SLC2A13: variants seen among roughly 807,000 people sequenced by gnomAD.
The protein encoded by SLC2A13 is proton myo-inositol cotransporter.
Under a neutral mutation model 64.4 loss-of-function variants are expected in SLC2A13, and 32 were observed. The observed-to-expected ratio is 0.50, with a 90% confidence interval of 0.37 to 0.67. SLC2A13 has a LOEUF of 0.67. Ranked by LOEUF, SLC2A13 falls within the 30% of genes least tolerant of loss-of-function variation. The pLI is 0.00. For missense variants in SLC2A13, 743 were observed against 829.2 expected (o/e 0.90, Z 1.28); for synonymous variants, 338 against 327.1 (o/e 1.03, Z -0.36).
At chr12:39,850,382 T>C (rs1050706431) in intron 6 of SLC2A13, among the ~76,000 whole-genome samples, 6 of 152,192 alleles carry the variant, frequency 3.9e-5, no homozygotes, top group African/African-American at 1.4e-4. Context: ...TGCTCTGCAG[T>C]TGAACTGAGC....
intron 4 of SLC2A13, among the ~76,000 whole-genome samples, chr12:39,911,827 A>G (rs1364972529): frequency 1.3e-5 from 2 of 152,082 alleles, no homozygotes; most frequent in African/African-American, 4.8e-5. Context: ...ATTAGGAGAG[A>G]ACAGACAGGG....
intron 3 of SLC2A13, among the ~76,000 whole-genome samples, chr12:39,954,244 C>T (rs1946281093): frequency 6.6e-6 from 1 of 152,148 alleles, no homozygotes; most frequent in African/African-American, 2.4e-5. Flanking sequence ...GGCAGGTAAA[C>T]CAGGCAGACA....
chr12:39,756,776 A>G lies in SLC2A13; in HGVS notation c.*3250T>C, dbSNP rs1275148133. On this transcript the variant is annotated 3_prime_UTR_variant, in exon 10 of 10. Transcript: ENST00000280871. ...TGAAATTACAGCAAAAATTTCATAA[A>G]TTCCTTGCTTTTACTGATTTCCCCT... 6.6e-6 allele frequency: 1 copy of G among 151,680 alleles called. No individual in the cohort carries two copies. Among genetic ancestry groups the G allele is most frequent in the Admixed American group, 6.6e-5 (1 of 15,186 alleles). 9.4% of individuals were successfully genotyped at this position (151,680 alleles called of 1,614,324 possible).
At chr12:39,914,929 G>A (rs542253404) in intron 4 of SLC2A13, among the ~76,000 whole-genome samples, 5 of 152,024 alleles carry the variant, frequency 3.3e-5, no homozygotes, top group African/African-American at 1.2e-4. Flanking sequence ...GAATTATAAT[G>A]GGAAAATTGT....
At chr12:39,964,335 T>C (rs1395377061) in intron 3 of SLC2A13, among the ~76,000 whole-genome samples, 1 of 152,202 alleles carries the variant, frequency 6.6e-6, no homozygotes, top group Non-Finnish European at 1.5e-5. Flanking sequence ...AAAGATGTTC[T>C]ATAAAAAAGG....
At chr12:39,911,940 C>T (rs142736788) in intron 4 of SLC2A13, among the ~76,000 whole-genome samples, 1 of 152,048 alleles carries the variant, frequency 6.6e-6, no homozygotes, top group East Asian at 1.9e-4. Flanking sequence ...ATGAGAGCTC[C>T]CTGAGCTTGC....
chr12:39,768,846 A>T (rs1287931133), intron 7 of SLC2A13, among the ~76,000 whole-genome samples: 1 of 152,124 alleles, frequency 6.6e-6, no homozygotes, highest in Non-Finnish European at 1.5e-5. Context: ...GTGACAATAG[A>T]CTGGCTTGAT....
In SLC2A13 at chr12:39,999,242, G is replaced by C. The variant is rs570362732; in HGVS notation, c.925+29059C>G. 1.4e-3 allele frequency among the ~76,000 whole-genome samples: 216 copies of C among 152,198 alleles called. 3 individuals are homozygous for C. The highest frequency in any genetic ancestry group is 4.7e-4 in the Non-Finnish European group (32 of 67,992). ...AATCAGTGCACCTTGAAAAAGAACA[G>C]AATAACAGCGATTTTAGGGAACAAG... is the stretch of plus-strand genomic sequence containing the variant. On this transcript the variant is annotated intron_variant, in intron 3 of 9. Coordinates refer to ENST00000280871, the MANE Select transcript of SLC2A13 (RefSeq NM_052885.4).
intron 7 of SLC2A13, among the ~76,000 whole-genome samples, chr12:39,818,958 T>A (rs1001024540): frequency 6.6e-6 from 1 of 152,156 alleles, no homozygotes; most frequent in African/African-American, 2.4e-5. Flanking sequence ...AACATAGGTC[T>A]GCATAATCAA....
intron 5 of SLC2A13, among the ~76,000 whole-genome samples, chr12:39,870,976 G>A (rs1201723582): frequency 1.3e-5 from 2 of 151,994 alleles, no homozygotes; most frequent in African/African-American, 2.4e-5. Context: ...ATGCTGCCCT[G>A]GAAACTATCT....
chr12:39,808,556 C>A (rs1592156923), intron 7 of SLC2A13, among the ~76,000 whole-genome samples: 1 of 152,074 alleles, frequency 6.6e-6, no homozygotes, highest in East Asian at 1.9e-4. Context: ...AATTTACATT[C>A]CCATTAACAT....
At chr12:39,771,167 C>T (rs1215478279) in intron 7 of SLC2A13, among the ~76,000 whole-genome samples, 3 of 152,154 alleles carry the variant, frequency 2.0e-5, no homozygotes, top group East Asian at 3.9e-4. Flanking sequence ...CCTGCCTCTG[C>T]CTCTGCGGGA....
intron 7 of SLC2A13, among the ~76,000 whole-genome samples, chr12:39,808,210 T>G (rs1352932771): frequency 6.6e-6 from 1 of 152,164 alleles, no homozygotes; most frequent in Non-Finnish European, 1.5e-5. Flanking sequence ...CAGTATATAT[T>G]GTTTTGTATC....
intron 6 of SLC2A13, among the ~76,000 whole-genome samples, chr12:39,832,812 T>C (rs6581365): frequency 0.62 from 93,884 of 151,876 alleles, 29,198 homozygotes; most frequent in East Asian, 0.77. Context: ...ATTATACCCA[T>C]CTGGTAAAAA....
intron 3 of SLC2A13, among the ~76,000 whole-genome samples, chr12:39,965,536 A>G (rs926921168): frequency 6.6e-6 from 1 of 152,204 alleles, no homozygotes; most frequent in Non-Finnish European, 1.5e-5. Context: ...AATCCAATTT[A>G]CGTACCAAGA....
chr12:39,765,955 A>G (rs933854194), intron 7 of SLC2A13, among the ~76,000 whole-genome samples: 1 of 151,926 alleles, frequency 6.6e-6, no homozygotes, highest in Admixed American at 6.6e-5. Context: ...TCAGCTCCCA[A>G]TTATATGTGA....
At chr12:39,818,482 A>G (rs1374048452) in intron 7 of SLC2A13, among the ~76,000 whole-genome samples, 1 of 152,218 alleles carries the variant, frequency 6.6e-6, no homozygotes, top group African/African-American at 2.4e-5. Context: ...TGATGCTCTG[A>G]GTAATTACCT....
intron 3 of SLC2A13, among the ~76,000 whole-genome samples, chr12:39,951,788 A>C (rs1946235867): frequency 6.6e-6 from 1 of 152,334 alleles, no homozygotes; most frequent in Middle Eastern, 3.4e-3. Context: ...TGCTTTAATC[A>C]ACCGTAAGAA....
chr12:40,057,952 G>T (rs1948357482), intron 1 of SLC2A13, among the ~76,000 whole-genome samples: 1 of 151,704 alleles, frequency 6.6e-6, no homozygotes, highest in Non-Finnish European at 1.5e-5. Context: ...CCCACCAACG[G>T]ATATTATCTT....
Sources: allele counts gnomAD v4.1 joint callset (sites outside exome capture counted in the v4.1 genomes callset), GRCh38; gene constraint gnomAD v4.1.1; transcripts MANE v1.5; gene names NCBI Gene and HGNC (gene_info 2026-07-23, HGNC 2026-07-21).